CUL3: variants seen among roughly 807,000 people sequenced by gnomAD.
CUL3 encodes cullin-3.
CUL3 carries 19 observed loss-of-function variants against 89.1 expected under a neutral mutation model. That is an observed-to-expected ratio of 0.21 (90% CI 0.15 to 0.31). The LOEUF (loss-of-function observed/expected upper bound fraction) is 0.31. Ranked by LOEUF, CUL3 falls within the 10% of genes least tolerant of loss-of-function variation. CUL3 has a pLI of 1.00. For missense variants in CUL3, 469 were observed against 942.3 expected (o/e 0.50, Z 6.58); for synonymous variants, 351 against 308.4 (o/e 1.14, Z -1.45).
intron 13 of CUL3, among the ~76,000 whole-genome samples, chr2:224,483,407 A>G (rs62189072): frequency 0.059 from 8,919 of 152,240 alleles, 382 homozygotes; most frequent in African/African-American, 0.11. Flanking sequence ...CCCTAAAGTC[A>G]TAAGGTTGTA....
chr2:224,583,731 A>G (rs1049500484), intron 1 of CUL3, among the ~76,000 whole-genome samples: 1 of 152,222 alleles, frequency 6.6e-6, no homozygotes, highest in African/African-American at 2.4e-5. Flanking sequence ...AAATTTTAGG[A>G]ATTCAGAGAG....
intron 1 of CUL3, 27 bp from the exon 2 acceptor site, chr2:224,557,883 C>CAAAAA (rs748754000): frequency 0.038 from 4,277 of 112,130 alleles, 592 homozygotes; most frequent in East Asian, 0.071. Flanking sequence ...AGAGAAGAGA[C>CAAAAA]AAAAAAAAAA....
At chr2:224,547,861 T>C (rs1694364167) in intron 2 of CUL3, among the ~76,000 whole-genome samples, 1 of 151,928 alleles carries the variant, frequency 6.6e-6, no homozygotes, top group African/African-American at 2.4e-5. Flanking sequence ...TAAAGAAGAG[T>C]CCACAGTTTA....
chr2:224,565,194 A>G (rs948174261), intron 1 of CUL3, among the ~76,000 whole-genome samples: 6 of 152,218 alleles, frequency 3.9e-5, no homozygotes, highest in Admixed American at 6.5e-5. Context: ...CCTGTTTTGT[A>G]TGTTACATGT....
intron 10 of CUL3, 48 bp from the exon 11 acceptor site, chr2:224,500,535 GC>G: frequency 6.3e-7 from 1 of 1,592,592 alleles, no homozygotes; most frequent in Non-Finnish European, 8.6e-7. Flanking sequence ...ACTAGGATTT[GC>G]TTTCTGTTCT....
chr2:224,512,194 C>T (rs1692854916), intron 5 of CUL3, among the ~76,000 whole-genome samples: 1 of 152,060 alleles, frequency 6.6e-6, no homozygotes, highest in Non-Finnish European at 1.5e-5. Flanking sequence ...CTCCCGGGTC[C>T]ACACCATTCT....
chr2:224,552,507 T>C (rs1425775234), intron 2 of CUL3, among the ~76,000 whole-genome samples: 2 of 152,208 alleles, frequency 1.3e-5, no homozygotes, highest in East Asian at 1.9e-4. Flanking sequence ...TGTGAACTTA[T>C]TTTGAAAGCC....
intron 2 of CUL3, among the ~76,000 whole-genome samples, chr2:224,550,757 T>C (rs2106292008): frequency 6.6e-6 from 1 of 152,364 alleles, no homozygotes; most frequent in South Asian, 2.1e-4. Flanking sequence ...TAACTGTCAC[T>C]ACACTAGTGT....
chr2:224,504,799 CA>C (rs1452751746), intron 8 of CUL3, among the ~76,000 whole-genome samples: 13 of 152,282 alleles, frequency 8.5e-5, no homozygotes, highest in Admixed American at 6.5e-4. Context: ...TTTGGTGTCA[CA>C]AATTCCAAAA....
At chr2:224,539,803 C>T (rs1384008829) in intron 2 of CUL3, among the ~76,000 whole-genome samples, 2 of 151,778 alleles carry the variant, frequency 1.3e-5, no homozygotes, top group African/African-American at 4.8e-5. Flanking sequence ...GTAGGCAGAG[C>T]ACAGGATTCA....
intron 2 of CUL3, among the ~76,000 whole-genome samples, chr2:224,540,345 C>T (rs1694056888): frequency 6.6e-6 from 1 of 151,684 alleles, no homozygotes; most frequent in Non-Finnish European, 1.5e-5. Flanking sequence ...CTGTGTCCAG[C>T]CTCTCCACTG....
At chr2:224,489,615 AG>A (rs1484355195) in intron 13 of CUL3, among the ~76,000 whole-genome samples, 1 of 152,244 alleles carries the variant, frequency 6.6e-6, no homozygotes, top group Non-Finnish European at 1.5e-5. Flanking sequence ...GCTCATGGAT[AG>A]GAAGAATCAA....
intron 11 of CUL3, among the ~76,000 whole-genome samples, chr2:224,498,644 C>A (rs1463264661): frequency 6.6e-6 from 1 of 152,080 alleles, no homozygotes; most frequent in East Asian, 1.9e-4. Context: ...CTTGCAACAG[C>A]GTGTTATCTG....
chr2:224,493,690 A>T (rs1692065861), intron 13 of CUL3, among the ~76,000 whole-genome samples: 1 of 152,224 alleles, frequency 6.6e-6, no homozygotes. Context: ...ATTTTTTATT[A>T]TCCCATTATT....
At position 224,557,876 on chromosome 2, in the gene CUL3, GA is replaced by G; in HGVS notation, c.67-21del. On this transcript the variant is annotated intron_variant, in intron 1 of 15. Coordinates refer to ENST00000264414, the MANE Select transcript of CUL3 (RefSeq NM_003590.5). ...GGTCATCTGTAATATCCAAGAGAGA[GA>G]AGAGACAAAAAAAAAAAAAAAAAAA... 6.8e-6 allele frequency: 1 copy of G among 146,616 alleles called. No individual in the cohort carries two copies. The highest frequency in any genetic ancestry group is 1.2e-5 in the Non-Finnish European group (1 of 81,270). The allele number at this position is 146,616 out of a possible 1,614,324, so 9.1% of individuals were successfully genotyped here.
intron 3 of CUL3, among the ~76,000 whole-genome samples, chr2:224,530,201 T>C (rs1381058385): frequency 6.6e-6 from 1 of 152,188 alleles, no homozygotes; most frequent in Non-Finnish European, 1.5e-5. Context: ...ATCGCGCCAC[T>C]GCACTCCAGC....
At chr2:224,563,834 T>C (rs1201333348) in intron 1 of CUL3, among the ~76,000 whole-genome samples, 1 of 152,206 alleles carries the variant, frequency 6.6e-6, no homozygotes, top group Non-Finnish European at 1.5e-5. Flanking sequence ...AATGTTTATC[T>C]TACTTAATAC....
At chr2:224,515,824 T>C (rs761623244) in intron 3 of CUL3, among the ~76,000 whole-genome samples, 1 of 152,058 alleles carries the variant, frequency 6.6e-6, no homozygotes, top group Non-Finnish European at 1.5e-5. Context: ...TTCTGAGTAG[T>C]TGACATTACA....
chr2:224,584,120 C>A (rs562878535), intron 1 of CUL3, among the ~76,000 whole-genome samples: 1 of 152,290 alleles, frequency 6.6e-6, no homozygotes, highest in Non-Finnish European at 1.5e-5. Flanking sequence ...AAGGGTACGA[C>A]TCAACGTAAT....
Sources: allele counts gnomAD v4.1 joint callset (sites outside exome capture counted in the v4.1 genomes callset), GRCh38; gene constraint gnomAD v4.1.1; transcripts MANE v1.5; gene names NCBI Gene and HGNC (gene_info 2026-07-23, HGNC 2026-07-21).